Variants in ZNF469 observed in about 807,000 individuals in gnomAD.
ZNF469 encodes the protein zinc finger protein 469.
In ZNF469, 1 loss-of-function variant was observed where a neutral mutation model predicts 1.0. The ratio of observed to expected loss-of-function variants is 1.00; its 90% CI spans 0.35 to 4.73. ZNF469 has a LOEUF of 4.73. Ranked by LOEUF, ZNF469 falls within the 30% of genes most tolerant of loss-of-function variation. The pLI is 0.16. For missense variants in ZNF469, 6,100 were observed against 5,356.3 expected, an observed-to-expected ratio of 1.14 and a Z score of -4.33; for synonymous variants, 2,703 against 2,363.4, an observed-to-expected ratio of 1.14 and a Z score of -4.17.
chr16:88,339,889 G>C, the ZNF469 span, among the ~76,000 whole-genome samples: 1 of 94,156 alleles, frequency 1.1e-5, no homozygotes, highest in Admixed American at 8.9e-5. Context: ...CAGGGGGCCT[G>C]GCCATGGCAA....
At chr16:88,168,309 GT>G in the ZNF469 span, among the ~76,000 whole-genome samples, 1 of 152,180 alleles carries the variant, frequency 6.6e-6, no homozygotes, top group Non-Finnish European at 1.5e-5. The surrounding 1 kb of genome is among the most constrained non-coding windows in gnomAD (Gnocchi z 4.3). Context: ...GAGCCAGGCT[GT>G]TGGGAAAGAT....
the ZNF469 span, among the ~76,000 whole-genome samples, chr16:88,128,642 C>T: frequency 3.3e-5 from 5 of 152,356 alleles, no homozygotes; most frequent in African/African-American, 1.2e-4. Context: ...CTTCTCTCCC[C>T]CGACCCAGGT....
chr16:88,342,450 C>T, the ZNF469 span, among the ~76,000 whole-genome samples: 1 of 152,204 alleles, frequency 6.6e-6, no homozygotes, highest in Non-Finnish European at 1.5e-5. Flanking sequence ...CTCCCCACTC[C>T]AATGGCCACT....
chr16:88,191,859 C>G, the ZNF469 span: 1 of 152,284 alleles, frequency 6.6e-6, no homozygotes, highest in Non-Finnish European at 1.5e-5. Flanking sequence ...TGGGGTTACT[C>G]TGGCTGGGAT....
the ZNF469 span, among the ~76,000 whole-genome samples, chr16:88,366,119 CCATCATCACCAT>C: frequency 6.7e-6 from 1 of 149,148 alleles, no homozygotes; most frequent in Non-Finnish European, 1.5e-5. Flanking sequence ...ATCATCATCA[CCATCATCACCAT>C]CATCATCACC....
Position 88,433,926 on chromosome 16 carries a change from A to G in ZNF469, c.6456A>G (p.Ala2152=). The G allele has an allele frequency of 1.3e-6, 2 of 1,549,542 alleles. No homozygotes were observed. The highest frequency in any genetic ancestry group is 1.7e-6 in the Non-Finnish European group (2 of 1,146,450). The change falls in exon 3 of 3, where the codon GCA becomes GCG. Residue 2152 remains alanine, a synonymous_variant. Transcript: ENST00000565624. ...GTGGGCTGGGGGGGCAGCTGCCAGC[A>G]TCTCCGTCCTGCAGGGACCCTCCCG... ...AQGGLGGQLP[A]SPSCRDPPGP... is the part of the protein sequence containing the mutation.
At chr16:88,404,720 T>C (rs9989358) in intron 1 of ZNF469, among the ~76,000 whole-genome samples, 6,530 of 147,896 alleles carry the variant, frequency 0.044, 176 homozygotes, top group African/African-American at 0.088. Context: ...GAGGGGTGAG[T>C]GTGAGTGGCA....
rs1905597740 is a variant in ZNF469 at position 88,424,069 on chromosome 16, G to C, written c.-191-738G>C. ...ACGCAGGTGCCCTTTGACGCAGCTA[G>C]GCCCACAGCGTTTGGAGCACAGGCT... is the stretch of plus-strand genomic sequence containing the variant. On this transcript the variant is annotated intron_variant, in intron 1 of 2. Transcript: ENST00000565624. The surrounding 1 kb of genome is among the most constrained non-coding windows in gnomAD (Gnocchi z 4.3). Among the ~76,000 whole-genome samples the C allele has an allele frequency of 6.6e-6, 1 of 152,250 alleles. No individual in the cohort carries two copies. Among genetic ancestry groups the C allele is most frequent in the Non-Finnish European group, 1.5e-5 (1 of 68,048 alleles).
chr16:88,316,585 C>G, the ZNF469 span, among the ~76,000 whole-genome samples: 1 of 126,528 alleles, frequency 7.9e-6, no homozygotes, highest in African/African-American at 3.2e-5. Flanking sequence ...CTCGTTCTGT[C>G]GCTCAGGCTG....
At chr16:88,276,173 G>A in the ZNF469 span, among the ~76,000 whole-genome samples, 1 of 152,144 alleles carries the variant, frequency 6.6e-6, no homozygotes, top group South Asian at 2.1e-4. Flanking sequence ...AGAAAACGAG[G>A]CCCCTGCACA....
chr16:88,291,281 C>T, the ZNF469 span, among the ~76,000 whole-genome samples: 1 of 152,220 alleles, frequency 6.6e-6, no homozygotes, highest in Non-Finnish European at 1.5e-5. Context: ...CCAGCAGGGA[C>T]TCCAGGGGCT....
In ZNF469 at chr16:88,438,630, G is replaced by C. The variant is rs1281966407; in HGVS notation, c.11160G>C (p.Lys3720Asn). 1 of 1,550,060 alleles carries C rather than the reference G, an allele frequency of 6.5e-7. No homozygotes were observed. The highest frequency in any genetic ancestry group is 2.0e-5 in the Admixed American group (1 of 51,000). Residue 3720 changes from lysine to asparagine, a missense_variant, in exon 3 of 3, where the codon AAG (lysine) becomes AAC (asparagine). Lys to Asn is a moderately conservative substitution (Grantham distance 94, BLOSUM62 0). Coordinates refer to ENST00000565624, the MANE Select transcript of ZNF469 (RefSeq NM_001367624.2). ...ELARGTENGM[K>N]PATPKAKPGP... ...CCCGTGGCACAGAGAATGGGATGAA[G>C]CCCGCCACCCCCAAAGCCAAACCCG...
chr16:88,390,670 C>A (rs2142264530), intron 1 of ZNF469, among the ~76,000 whole-genome samples: 1 of 152,320 alleles, frequency 6.6e-6, no homozygotes, highest in African/African-American at 2.4e-5. Flanking sequence ...CCAAGCAGCC[C>A]CTCCAGAGGG....
chr16:88,179,170 C>T, the ZNF469 span, among the ~76,000 whole-genome samples: 7 of 152,250 alleles, frequency 4.6e-5, no homozygotes, highest in African/African-American at 1.7e-4. Context: ...GGACGTGTGT[C>T]CCCTCCACAT....
the ZNF469 span, among the ~76,000 whole-genome samples, chr16:88,226,585 A>C: frequency 6.6e-6 from 1 of 152,072 alleles, no homozygotes; most frequent in Admixed American, 6.5e-5. Context: ...GCCCTTTCTT[A>C]CGGCAGCTCA....
the ZNF469 span, among the ~76,000 whole-genome samples, chr16:88,165,512 C>T: frequency 1.3e-5 from 2 of 152,184 alleles, no homozygotes; most frequent in African/African-American, 2.4e-5. Flanking sequence ...AGCCTCTGGG[C>T]TCCTGGATTC....
At chr16:88,172,596 A>G in the ZNF469 span, among the ~76,000 whole-genome samples, 12 of 152,352 alleles carry the variant, frequency 7.9e-5, no homozygotes, top group South Asian at 1.5e-3. Context: ...GTCAAAAATA[A>G]GAAGATATGC....
At chr16:88,287,522 A>T in the ZNF469 span, among the ~76,000 whole-genome samples, 9 of 152,224 alleles carry the variant, frequency 5.9e-5, no homozygotes, top group African/African-American at 2.2e-4. Flanking sequence ...CTTGAACTTC[A>T]GTTTCTTTAT....
rs759454921 is a variant in ZNF469 at position 88,428,560 on chromosome 16, G to A, written c.1090G>A (p.Ala364Thr). ...CTCTTCCCCTGGAGCTGCTCACTCG[G>A]CCCCGAGACCCTTCTCTGACAGTTT... The part of the protein sequence containing the change: ...ALSSPGAAHS[A>T]PRPFSDSLHK... Residue 364 changes from alanine to threonine, a missense_variant, in exon 3 of 3, where the codon GCC becomes ACC. Transcript: ENST00000565624. 4 of 1,550,014 alleles carry A rather than the reference G, an allele frequency of 2.6e-6. No individual in the cohort carries two copies. In the African/African-American group the frequency reaches 4.1e-5, roughly 16 times the overall value.
Sources: gnomAD v4.1 joint callset for allele counts (sites outside exome capture counted in the v4.1 genomes callset) on GRCh38, gnomAD v4.1.1 for gene constraint, Gnocchi (gnomAD v3.1) non-coding constraint, MANE v1.5 for transcripts, NCBI Gene and HGNC (gene_info 2026-07-23, HGNC 2026-07-21) for gene names.